The following TRPM3 variants were observed in gnomAD, a reference collection of about 807,000 sequenced individuals.
TRPM3 encodes the protein transient receptor potential cation channel subfamily M member 3, also known as long transient receptor potential channel 3.
In TRPM3, 77 loss-of-function variants were observed where a neutral mutation model predicts 181.2. The observed-to-expected ratio is 0.42, with a 90% CI of 0.35 to 0.51. The LOEUF (loss-of-function observed/expected upper bound fraction) is 0.51. TRPM3 is among the 20% of genes least tolerant of loss of function. The probability of loss-of-function intolerance (pLI) is 0.01; values close to 1 mark genes in which losing one functional copy is unlikely to be tolerated. For synonymous variants in TRPM3, 745 were observed against 796.4 expected (o/e 0.94, Z 1.09); for missense variants, 1,759 against 2,196.7 (o/e 0.80, Z 3.98).
rs184801683 is a variant in TRPM3, at chr9:70,817,062, G to C, written c.973+10785C>G. Reference sequence around the variant, plus strand: ...GAGTGGCAGATAAATTTTATCTCATGTGCCAACTCCAGCCAACTCTTAATG... The same window carrying C: ...GAGTGGCAGATAAATTTTATCTCATCTGCCAACTCCAGCCAACTCTTAATG... On this transcript the variant is annotated intron_variant, in intron 6 of 25. Coordinates refer to ENST00000677713, the MANE Select transcript of TRPM3 (RefSeq NM_001366145.2). Among the ~76,000 whole-genome samples, 3 of 152,284 alleles carry C rather than the reference G, an allele frequency of 2.0e-5. No individual in the cohort carries two copies. In the East Asian group the frequency reaches 5.8e-4, roughly 29 times the overall value.
chr9:70,917,335 A>G (rs1348107306), intron 1 of TRPM3: 23 of 1,178,430 alleles, frequency 2.0e-5, no homozygotes, highest in Non-Finnish European at 2.8e-5. Flanking sequence ...TTGCTCCAGA[A>G]TATGGAGATA....
intron 1 of TRPM3, among the ~76,000 whole-genome samples, chr9:71,154,995 G>A (rs1363432438): frequency 6.6e-6 from 1 of 152,128 alleles, no homozygotes; most frequent in Non-Finnish European, 1.5e-5. Flanking sequence ...ACATATCAAA[G>A]ATGTATTTGT....
At chr9:71,126,774 A>C (rs1270567664) in intron 1 of TRPM3, among the ~76,000 whole-genome samples, 1 of 152,228 alleles carries the variant, frequency 6.6e-6, no homozygotes, top group African/African-American at 2.4e-5. Flanking sequence ...TTATTGGGAC[A>C]GCATCTCTGA....
chr9:70,848,976 CAAAAAA>C (rs749477799), intron 3 of TRPM3, among the ~76,000 whole-genome samples: 1 of 11,976 alleles, frequency 8.4e-5, no homozygotes, highest in Non-Finnish European at 1.6e-4. Context: ...GACTCCGTCT[CAAAAAA>C]AAAAAAAAAA....
intron 7 of TRPM3, chr9:70,774,282 G>T: frequency 6.5e-6 from 1 of 153,138 alleles, no homozygotes; most frequent in South Asian, 1.9e-4. Flanking sequence ...ATATGAAAAC[G>T]ACAATGATGA....
In TRPM3 at chr9:70,852,154, A is replaced by AG. The variant is rs1564587088; in HGVS notation, c.463-5564_463-5563insC. Among the ~76,000 whole-genome samples, 10 of 137,110 alleles carry AG rather than the reference A, an allele frequency of 7.3e-5. 1 individual carries two copies. The highest frequency in any genetic ancestry group is 2.4e-4 in the South Asian group (1 of 4,250). 89.9% of individuals were successfully genotyped at this position (137,110 alleles called of 152,430 possible). A position where few individuals can be genotyped will look rare whatever the true frequency, so the allele number is the denominator to read the frequency against. The stretch of plus-strand genomic sequence containing the variant: ...AAAAAAAAAAAAAAAAAAAAAAAAA[A>AG]AGAGAGAAAAAAAATCCCAAAAAAC... On this transcript the variant is annotated intron_variant, in intron 3 of 25. Transcript: ENST00000677713.
rs74964407 is a variant in TRPM3 at position 70,885,372 on chromosome 9, G to A, written c.178-20861C>T. Among the ~76,000 whole-genome samples the A allele has an allele frequency of 4.9e-3, 739 of 152,172 alleles. 6 individuals are homozygous for A. Among genetic ancestry groups the A allele is most frequent in the African/African-American group, 0.017 (707 of 41,522 alleles). ...AAATTGTCTCTAATCATTGCCAAAT[G>A]TCCCTTGAGGGCAAATTTTTTTCCC... On this transcript the variant is annotated intron_variant, in intron 1 of 25. Transcript: ENST00000677713.
chr9:70,865,774 T>C (rs775093562), intron 1 of TRPM3, among the ~76,000 whole-genome samples: 2 of 152,052 alleles, frequency 1.3e-5, no homozygotes, highest in Non-Finnish European at 2.9e-5. Context: ...AGGAGCAACA[T>C]GAGCCATGGT....
intron 22 of TRPM3, among the ~76,000 whole-genome samples, chr9:70,582,470 G>A (rs1204322181): frequency 6.6e-6 from 1 of 152,182 alleles, no homozygotes; most frequent in Non-Finnish European, 1.5e-5. Flanking sequence ...GTGAGACATA[G>A]TTTGAGGTAT....
At chr9:71,333,467 T>C (rs1022735060) in intron 1 of TRPM3, among the ~76,000 whole-genome samples, 3 of 152,008 alleles carry the variant, frequency 2.0e-5, no homozygotes, top group Non-Finnish European at 2.9e-5. Context: ...GCCATTTCTA[T>C]GCAGCTAGCA....
chr9:71,237,531 A>C (rs764208455), intron 1 of TRPM3, among the ~76,000 whole-genome samples: 2 of 152,156 alleles, frequency 1.3e-5, no homozygotes, highest in Non-Finnish European at 2.9e-5. Context: ...TGGAAAATGA[A>C]TTTCATTTAA....
chr9:71,279,034 T>TAAAAAAAAAAAAAAAAAAAAAAAAAAAAA (rs200421016), intron 1 of TRPM3, among the ~76,000 whole-genome samples: 1 of 47,490 alleles, frequency 2.1e-5, no homozygotes, highest in African/African-American at 1.0e-4. Flanking sequence ...CCTGCTTAGG[T>TAAAAAAAAAAAAAAAAAAAAAAAAAAAAA]TAAAAAAAAT....
intron 1 of TRPM3, among the ~76,000 whole-genome samples, chr9:71,291,248 T>C (rs561716994): frequency 2.3e-4 from 35 of 152,184 alleles, no homozygotes; most frequent in Admixed American, 1.2e-3. Context: ...ATTGGGAGAT[T>C]CACAACAATC....
chr9:70,970,522 G>A (rs989841796), intron 1 of TRPM3, among the ~76,000 whole-genome samples: 5 of 152,078 alleles, frequency 3.3e-5, no homozygotes, highest in Non-Finnish European at 5.9e-5. Context: ...TTTTCCTAAT[G>A]TTGTTTTTAT....
chr9:70,917,562 A>ATTTTTTTTTTTTTTTTTTTTTTT, intron 1 of TRPM3: 8 of 612,828 alleles, frequency 1.3e-5, no homozygotes, highest in Non-Finnish European at 1.8e-5. Flanking sequence ...AACAGTGTTA[A>ATTTTTTTTTTTTTTTTTTTTTTT]GTTGTTATAT....
At chr9:71,284,010 C>G (rs1273519270) in intron 1 of TRPM3, among the ~76,000 whole-genome samples, 1 of 152,204 alleles carries the variant, frequency 6.6e-6, no homozygotes, top group Non-Finnish European at 1.5e-5. Flanking sequence ...AGGCAGAATG[C>G]CTGATATGAG....
chr9:71,424,781 C>A (rs1166812595), intron 1 of TRPM3, among the ~76,000 whole-genome samples: 1 of 152,100 alleles, frequency 6.6e-6, no homozygotes, highest in African/African-American at 2.4e-5. Context: ...ACCTTGACAG[C>A]ATAGGACCTC....
intron 1 of TRPM3, among the ~76,000 whole-genome samples, chr9:71,140,694 G>T (rs909141434): frequency 6.6e-6 from 1 of 152,062 alleles, no homozygotes; most frequent in Non-Finnish European, 1.5e-5. Flanking sequence ...TTGAGCTTTT[G>T]CTATATGTCA....
At chr9:71,041,904 T>G (rs2058868184) in intron 1 of TRPM3, among the ~76,000 whole-genome samples, 1 of 152,136 alleles carries the variant, frequency 6.6e-6, no homozygotes, top group African/African-American at 2.4e-5. Flanking sequence ...CCTCAATATT[T>G]TCTCTTATAT....
Sources: gnomAD v4.1 joint callset for allele counts (sites outside exome capture counted in the v4.1 genomes callset) on GRCh38, gnomAD v4.1.1 for gene constraint, MANE v1.5 for transcripts, NCBI Gene and HGNC (gene_info 2026-07-23, HGNC 2026-07-21) for gene names.